The following HERC2 variants were observed in gnomAD, a reference collection of about 807,000 sequenced individuals.
HERC2 encodes E3 ubiquitin-protein ligase HERC2.
Under a neutral mutation model 537.7 loss-of-function variants are expected in HERC2, and 102 were observed. The observed-to-expected ratio is 0.19, with a 90% CI of 0.16 to 0.22. HERC2 has a LOEUF of 0.22. Among genes scored for constraint, HERC2 ranks in the 10% least tolerant of loss-of-function variants. HERC2 has a pLI of 1.00. For synonymous variants in HERC2, 2,224 were observed against 2,466.2 expected, an observed-to-expected ratio of 0.90 and a Z score of 2.91; for missense variants, 4,236 against 6,198.2, an observed-to-expected ratio of 0.68 and a Z score of 10.63.
rs377119782 is a variant in HERC2 at position 28,191,073 on chromosome 15, A to G, written c.8558-17T>C. Reference sequence around the variant, plus strand: ...AATTTCCACCTAGGAAAAAATGGGTAAAGAATCAAACAAAGGCGTCTTTAT... The same window carrying G: ...AATTTCCACCTAGGAAAAAATGGGTGAAGAATCAAACAAAGGCGTCTTTAT... On this transcript the variant is annotated splice_polypyrimidine_tract_variant and intron_variant, in intron 54 of 92. Coordinates refer to ENST00000261609, the MANE Select transcript of HERC2 (RefSeq NM_004667.6). 9 of 1,599,532 alleles carry G rather than the reference A, an allele frequency of 5.6e-6. No homozygotes were observed. Among genetic ancestry groups the G allele is most frequent in the Non-Finnish European group, 7.7e-6 (9 of 1,166,718 alleles).
intron 2 of HERC2, among the ~76,000 whole-genome samples, chr15:28,306,214 A>C (rs140047493): frequency 3.8e-4 from 58 of 152,304 alleles, no homozygotes; most frequent in African/African-American, 1.3e-3. Context: ...TCAGCTGTAT[A>C]TGGCTTTTAT....
At chr15:28,275,837 T>A (rs1014128264) in intron 5 of HERC2, among the ~76,000 whole-genome samples, 1 of 151,924 alleles carries the variant, frequency 6.6e-6, no homozygotes, top group East Asian at 1.9e-4. Context: ...AACTCAATCA[T>A]GCACAGCAAG....
intron 75 of HERC2, 141 bp from the exon 76 acceptor site, chr15:28,142,534 T>C: frequency 1.1e-6 from 1 of 899,648 alleles, no homozygotes; most frequent in Non-Finnish European, 1.7e-6. Flanking sequence ...CCATCAGTGA[T>C]GTGGCGACCT....
intron 89 of HERC2, chr15:28,115,160 C>T (rs1360878048): frequency 5.9e-6 from 3 of 511,444 alleles, no homozygotes; most frequent in East Asian, 3.1e-5. Context: ...TGACTCACGG[C>T]CCCCAGCTGC....
rs1042108406 is a variant in HERC2 at position 28,268,851 on chromosome 15, G to C, written c.1447-235C>G. ...CAGAGCCGATGCAGGGGCAGGGCAGGCTAGCCCCATGCCACAGAGACACGC... is the reference window on the plus strand; with the variant it reads ...CAGAGCCGATGCAGGGGCAGGGCAGCCTAGCCCCATGCCACAGAGACACGC... On this transcript the variant is annotated intron_variant, in intron 11 of 92. Transcript: ENST00000261609. The surrounding 1 kb of genome is among the most constrained non-coding windows in gnomAD (Gnocchi z 4.7). Among the ~76,000 whole-genome samples, 2 of 152,122 alleles carry C rather than the reference G, an allele frequency of 1.3e-5. No homozygotes were observed. The highest frequency in any genetic ancestry group is 1.3e-4 in the Admixed American group (2 of 15,272).
chr15:28,183,072 C>T (rs1268510427), intron 56 of HERC2, among the ~76,000 whole-genome samples: 4 of 152,196 alleles, frequency 2.6e-5, no homozygotes, highest in Non-Finnish European at 5.9e-5. Flanking sequence ...ATACCCTCTG[C>T]CCAGGACACC....
intron 69 of HERC2, among the ~76,000 whole-genome samples, chr15:28,159,157 G>A (rs1893316688): frequency 6.6e-6 from 1 of 152,250 alleles, no homozygotes; most frequent in Non-Finnish European, 1.5e-5. Context: ...TTTCTCTCTG[G>A]CTGCCCTTAA....
rs371555393 is a variant in HERC2 at position 28,229,788 on chromosome 15, C to T, written c.4869G>A (p.Lys1623=). Reference sequence around the variant, plus strand: ...GCGGATAAAGACCCTGCACATTCTGCTTCAACCACTTGTATTTGTGAACAC... The same window carrying T: ...GCGGATAAAGACCCTGCACATTCTGTTTCAACCACTTGTATTTGTGAACAC... The part of the protein sequence containing the change: ...VTGVHKYKWL[K]QNVQGLYPQS... Residue 1623 remains lysine (K), a synonymous_variant, in exon 32 of 93, where the codon AAG becomes AAA. Coordinates refer to ENST00000261609, the MANE Select transcript of HERC2 (RefSeq NM_004667.6). The T allele has an allele frequency of 2.1e-6, 3 of 1,442,606 alleles. No individual in the cohort carries two copies. The highest frequency in any genetic ancestry group is 1.7e-5 in the Admixed American group (1 of 59,790). 89.4% of individuals were successfully genotyped at this position (1,442,606 alleles called of 1,614,324 possible).
chr15:28,281,499 C>T (rs1412325876), intron 4 of HERC2, among the ~76,000 whole-genome samples: 1 of 152,122 alleles, frequency 6.6e-6, no homozygotes, highest in African/African-American at 2.4e-5. Context: ...TGGCTGCCTC[C>T]CCTTGTGCAG....
intron 7 of HERC2, 130 bp downstream of exon 7, chr15:28,274,161 C>T (rs1479044159): frequency 2.4e-6 from 2 of 818,904 alleles, no homozygotes; most frequent in Non-Finnish European, 3.8e-6. Context: ...AATCACAGCA[C>T]TGACAGCCCG....
At chr15:28,252,259 T>C (rs142674130) in intron 20 of HERC2, among the ~76,000 whole-genome samples, 138 of 152,078 alleles carry the variant, frequency 9.1e-4, no homozygotes, top group African/African-American at 2.8e-3. Flanking sequence ...AACAGCATAG[T>C]TGCAGGTCAA....
intron 23 of HERC2, among the ~76,000 whole-genome samples, chr15:28,245,564 T>A (rs149949999): frequency 1.2e-4 from 13 of 108,950 alleles, no homozygotes; most frequent in East Asian, 1.1e-3. Flanking sequence ...AAAAAAAATA[T>A]ATACACACAC....
chr15:28,173,055 C>T (rs780892702), intron 65 of HERC2, among the ~76,000 whole-genome samples: 16 of 152,190 alleles, frequency 1.1e-4, no homozygotes, highest in Non-Finnish European at 1.6e-4. Context: ...GAGATACCAC[C>T]ATACGTCTAT....
chr15:28,150,526 T>C (rs1387167033), intron 70 of HERC2, among the ~76,000 whole-genome samples: 13 of 130,002 alleles, frequency 1.0e-4, no homozygotes, highest in Non-Finnish European at 2.1e-4. Flanking sequence ...AACAGCCACA[T>C]GAACGTATAC....
intron 44 of HERC2, among the ~76,000 whole-genome samples, chr15:28,209,560 G>A (rs1436360719): frequency 6.6e-6 from 1 of 152,126 alleles, no homozygotes; most frequent in Non-Finnish European, 1.5e-5. Context: ...AGCCAGGATG[G>A]TCTCGATCTC....
chr15:28,144,724 C>A lies in HERC2; in HGVS notation c.11089G>T (p.Val3697Leu). 1 of 1,614,256 alleles carries A rather than the reference C, an allele frequency of 6.2e-7. No individual in the cohort carries two copies. Among genetic ancestry groups the A allele is most frequent in the Non-Finnish European group, 8.5e-7 (1 of 1,180,052 alleles). The change falls in exon 72 of 93, where the codon GTG becomes TTG. Residue 3697 changes from valine (V) to leucine (L), a missense_variant. Val to Leu is a conservative substitution (Grantham distance 32). Around this residue, in one of 27 missense-constraint regions of HERC2, gnomAD observed 5 missense variants for 23.4 expected, o/e 0.21. Coordinates refer to ENST00000261609, the MANE Select transcript of HERC2 (RefSeq NM_004667.6). Reference sequence around the variant, plus strand: ...GTGAAGCGCCAGCCCCAGCCATTCACAGACCCATCGCTGATGAACTTCCAC... The same window carrying A: ...GTGAAGCGCCAGCCCCAGCCATTCAAAGACCCATCGCTGATGAACTTCCAC... Reference protein sequence around the residue: ...LKWKFISDGSVNGWGWRFTVY... With the variant: ...LKWKFISDGSLNGWGWRFTVY...
intron 63 of HERC2, 56 bp from the exon 64 acceptor site, chr15:28,175,712 T>A (rs1895218204): frequency 1.3e-6 from 2 of 1,562,672 alleles, no homozygotes; most frequent in South Asian, 1.1e-5. Context: ...GACAATGCTA[T>A]ACAAGAAGAC....
chr15:28,118,738 G>A lies in HERC2; in HGVS notation c.13273-1584C>T, dbSNP rs141745504. On this transcript the variant is annotated intron_variant, in intron 86 of 92. Transcript: ENST00000261609. ...GCGCCTGTGCAGCCTTCCTGGCTCC[G>A]TGCTGGTGTCCTGTGCACACCCTGA... 4.8e-3 allele frequency among the ~76,000 whole-genome samples: 731 copies of A among 152,308 alleles called. 4 individuals are homozygous for A. Among genetic ancestry groups the A allele is most frequent in the African/African-American group, 0.016 (666 of 41,568 alleles).
At chr15:28,133,697 T>C (rs1380109979) in intron 79 of HERC2, among the ~76,000 whole-genome samples, 2 of 152,234 alleles carry the variant, frequency 1.3e-5, no homozygotes, top group Non-Finnish European at 2.9e-5. Flanking sequence ...TTGTTGAAAA[T>C]AGTATATTTT....
Sources: allele counts gnomAD v4.1 joint callset (sites outside exome capture counted in the v4.1 genomes callset), GRCh38; gene constraint gnomAD v4.1.1; regional missense constraint gnomAD v4.1.1; non-coding constraint Gnocchi (gnomAD v3.1); transcripts MANE v1.5; gene names NCBI Gene and HGNC (gene_info 2026-07-23, HGNC 2026-07-21).